The following GRIP1 variants were observed in gnomAD, a reference collection of about 807,000 sequenced individuals.
The protein encoded by GRIP1 is glutamate receptor interacting protein 1.
Under a neutral mutation model 129.9 loss-of-function variants are expected in GRIP1, and 45 were observed. The observed-to-expected ratio is 0.35, with a 90% confidence interval of 0.27 to 0.44. GRIP1 has a LOEUF of 0.44. Ranked by LOEUF, GRIP1 falls within the 20% of genes least tolerant of loss-of-function variation. The probability of loss-of-function intolerance (pLI) is 1.00; values close to 1 mark genes in which losing one functional copy is unlikely to be tolerated. For missense variants in GRIP1, 1,196 were observed against 1,396.8 expected (o/e 0.86, Z 2.29); for synonymous variants, 530 against 520.8 (o/e 1.02, Z -0.24).
chr12:66,486,099 C>T (rs1027218285), intron 7 of GRIP1, among the ~76,000 whole-genome samples: 2 of 152,000 alleles, frequency 1.3e-5, no homozygotes. Flanking sequence ...CTTTCTTGAC[C>T]CCTTTTAGTG....
chr12:66,793,780 T>C (rs1229980776), intron 1 of GRIP1, among the ~76,000 whole-genome samples: 2 of 152,142 alleles, frequency 1.3e-5, no homozygotes, highest in African/African-American at 2.4e-5. Context: ...TCTCAGCACA[T>C]AGTAGTGCTT....
Position 66,581,684 on chromosome 12 carries a change from A to G in GRIP1, c.136+15163T>C, listed in dbSNP as rs1344085470. 5.3e-5 allele frequency among the ~76,000 whole-genome samples: 8 copies of G among 152,240 alleles called. No homozygotes were observed. In the East Asian group the frequency reaches 1.5e-3, roughly 29 times the overall value. Reference sequence around the variant, plus strand: ...AATGGATAAATTCCTTGATACATACACTCTCCCAAGACTAAACCAGGAAGA... The same window carrying G: ...AATGGATAAATTCCTTGATACATACGCTCTCCCAAGACTAAACCAGGAAGA... On this transcript the variant is annotated intron_variant, in intron 2 of 24. Transcript: ENST00000359742.
chr12:66,415,195 A>T (rs1318575023), intron 15 of GRIP1, among the ~76,000 whole-genome samples: 1 of 152,074 alleles, frequency 6.6e-6, no homozygotes, highest in East Asian at 1.9e-4. Context: ...GAGTGAACAG[A>T]CAACATACAG....
At chr12:67,034,485 T>A (rs1339999791) in intron 1 of GRIP1, among the ~76,000 whole-genome samples, 1 of 152,144 alleles carries the variant, frequency 6.6e-6, no homozygotes, top group Non-Finnish European at 1.5e-5. Context: ...AACCATAACA[T>A]AATGCTAAGT....
At chr12:66,542,771 T>C (rs1315177887) in intron 2 of GRIP1, among the ~76,000 whole-genome samples, 1 of 152,238 alleles carries the variant, frequency 6.6e-6, no homozygotes. Flanking sequence ...GGATAAATGC[T>C]GTTTTAAAAT....
At chr12:67,002,171 T>A (rs1333113925) in intron 1 of GRIP1, among the ~76,000 whole-genome samples, 1 of 152,226 alleles carries the variant, frequency 6.6e-6, no homozygotes, top group Non-Finnish European at 1.5e-5. Flanking sequence ...ACTTTCGCTA[T>A]TATTAGAACA....
intron 15 of GRIP1, among the ~76,000 whole-genome samples, chr12:66,413,498 G>T (rs1416435069): frequency 1.3e-5 from 2 of 152,120 alleles, no homozygotes; most frequent in Admixed American, 1.3e-4. Flanking sequence ...TGGATTTACA[G>T]CTGAATTCTA....
intron 1 of GRIP1, among the ~76,000 whole-genome samples, chr12:66,783,770 T>A (rs1050872357): frequency 2.0e-5 from 3 of 152,140 alleles, no homozygotes; most frequent in Non-Finnish European, 4.4e-5. Flanking sequence ...TTCAATACTA[T>A]CTCAAGTATT....
intron 7 of GRIP1, among the ~76,000 whole-genome samples, chr12:66,497,382 G>A (rs1231665070): frequency 3.9e-5 from 6 of 152,162 alleles, no homozygotes; most frequent in African/African-American, 1.4e-4. Flanking sequence ...CAAAATAGCT[G>A]GTAAAGAATG....
chr12:66,867,330 T>C (rs1445627180), intron 1 of GRIP1, among the ~76,000 whole-genome samples: 1 of 152,132 alleles, frequency 6.6e-6, no homozygotes, highest in African/African-American at 2.4e-5. Flanking sequence ...TTGATGTTCC[T>C]GGACAGAAAC....
rs940286382 is a variant in GRIP1 at position 67,012,501 on chromosome 12, T to C, written c.58+56549A>G. Among the ~76,000 whole-genome samples the C allele has an allele frequency of 7.2e-5, 11 of 152,148 alleles. 1 individual carries two copies. On this transcript the variant is annotated intron_variant, in intron 1 of 1. Transcript: ENST00000643019. ...CTTCCAATCTTAGGTTTCTAAGCCA[T>C]CACTTAGGACCTGCCCATTAAGAGC...
chr12:67,004,642 A>C (rs779805519), intron 1 of GRIP1, among the ~76,000 whole-genome samples: 11 of 152,172 alleles, frequency 7.2e-5, no homozygotes, highest in Non-Finnish European at 1.2e-4. Flanking sequence ...GATGGGAATT[A>C]AAGAAAAGAG....
chr12:66,805,978 CT>C (rs79756327), upstream of GRIP1, among the ~76,000 whole-genome samples: 46,680 of 126,130 alleles, frequency 0.37, 6,899 homozygotes, highest in Middle Eastern at 0.45. Flanking sequence ...TTTTTTTTTT[CT>C]TTTTTTTTTT....
intron 2 of GRIP1, among the ~76,000 whole-genome samples, chr12:66,587,025 C>A (rs929492237): frequency 4.6e-5 from 7 of 152,184 alleles, no homozygotes; most frequent in Non-Finnish European, 1.0e-4. Context: ...CAGGACACAG[C>A]CTTGTCTCTT....
At chr12:67,006,866 G>T (rs1468044747) in intron 1 of GRIP1, among the ~76,000 whole-genome samples, 3 of 152,186 alleles carry the variant, frequency 2.0e-5, no homozygotes, top group African/African-American at 7.2e-5. Context: ...ATACATGCAT[G>T]GGCAATGTTT....
At chr12:66,882,644 G>A (rs1440653676) in intron 1 of GRIP1, among the ~76,000 whole-genome samples, 1 of 152,166 alleles carries the variant, frequency 6.6e-6, no homozygotes, top group Non-Finnish European at 1.5e-5. Flanking sequence ...TTATCTGCGA[G>A]TACTACCACC....
At chr12:66,720,088 G>T (rs562548175) in intron 1 of GRIP1, among the ~76,000 whole-genome samples, 18 of 152,156 alleles carry the variant, frequency 1.2e-4, no homozygotes, top group Non-Finnish European at 1.9e-4. Flanking sequence ...ATCAAAATAG[G>T]TAGATACAGG....
chr12:66,375,073 A>C (rs2055720867), intron 22 of GRIP1, among the ~76,000 whole-genome samples: 1 of 152,170 alleles, frequency 6.6e-6, no homozygotes, highest in African/African-American at 2.4e-5. Context: ...ATATTATGCT[A>C]AACAAAAAAT....
At chr12:66,501,155 T>A (rs1236249505) in intron 7 of GRIP1, among the ~76,000 whole-genome samples, 1 of 152,206 alleles carries the variant, frequency 6.6e-6, no homozygotes, top group Non-Finnish European at 1.5e-5. Flanking sequence ...ATTTTCAGTG[T>A]CAAAGTCATA....
Sources: gnomAD v4.1 joint callset for allele counts (sites outside exome capture counted in the v4.1 genomes callset) on GRCh38, gnomAD v4.1.1 for gene constraint, MANE v1.5 for transcripts, NCBI Gene and HGNC (gene_info 2026-07-23, HGNC 2026-07-21) for gene names.